Variants in BRAF observed in about 807,000 individuals in gnomAD.
BRAF encodes B-Raf proto-oncogene, serine/threonine kinase.
Under a neutral mutation model 104.6 loss-of-function variants are expected in BRAF, and 16 were observed. The observed-to-expected ratio is 0.15, with a 90% CI of 0.10 to 0.23. The LOEUF is 0.23. BRAF is among the 10% of genes least tolerant of loss of function. The pLI, the probability that BRAF is intolerant of heterozygous loss-of-function variation, is 1.00. For synonymous variants in BRAF, 310 were observed against 341.6 expected, an observed-to-expected ratio of 0.91 and a Z score of 1.02; for missense variants, 541 against 937.3, an observed-to-expected ratio of 0.58 and a Z score of 5.52.
intron 14 of BRAF, among the ~76,000 whole-genome samples, chr7:140,764,147 G>A (rs111608025): frequency 2.0e-5 from 3 of 151,906 alleles, no homozygotes; most frequent in African/African-American, 4.8e-5. Context: ...TTCAACATAC[G>A]CAAATCAATA....
intron 1 of BRAF, among the ~76,000 whole-genome samples, chr7:140,881,195 A>G (rs1283415598): frequency 6.6e-6 from 1 of 151,984 alleles, no homozygotes; most frequent in Non-Finnish European, 1.5e-5. Context: ...GCACAGACAG[A>G]GTAAATTTTG....
intron 1 of BRAF, among the ~76,000 whole-genome samples, chr7:140,881,906 A>AC (rs1812963867): frequency 6.6e-6 from 1 of 152,138 alleles, no homozygotes; most frequent in South Asian, 2.1e-4. Context: ...GGTTTGTGGC[A>AC]CCCCAAAACA....
At chr7:140,785,519 G>A (rs187768225) in intron 10 of BRAF, among the ~76,000 whole-genome samples, 3 of 152,326 alleles carry the variant, frequency 2.0e-5, no homozygotes, top group Admixed American at 2.0e-4. Flanking sequence ...TTGTGGCAGT[G>A]AGTACGTGTG....
chr7:140,915,362 A>C (rs1817501551), intron 1 of BRAF, among the ~76,000 whole-genome samples: 1 of 152,138 alleles, frequency 6.6e-6, no homozygotes, highest in South Asian at 2.1e-4. Context: ...ATTAACTTAA[A>C]GGTTACATAT....
intron 5 of BRAF, among the ~76,000 whole-genome samples, chr7:140,806,333 T>C (rs1056864980): frequency 3.9e-5 from 6 of 152,200 alleles, no homozygotes; most frequent in Non-Finnish European, 7.3e-5. Flanking sequence ...TTATGAAAAT[T>C]TATTAAATCT....
chr7:140,757,352 C>A (rs571447989), intron 14 of BRAF, among the ~76,000 whole-genome samples: 4 of 151,782 alleles, frequency 2.6e-5, no homozygotes, highest in East Asian at 1.9e-4. Flanking sequence ...TGCGGTGGTG[C>A]GATATCGGCT....
chr7:140,794,257 T>C (rs754519270), intron 8 of BRAF, 51 bp downstream of exon 8: 2 of 1,594,950 alleles, frequency 1.3e-6, no homozygotes, highest in Admixed American at 3.3e-5. Flanking sequence ...AGCAGAAAAA[T>C]AAAGATACAT....
intron 1 of BRAF, among the ~76,000 whole-genome samples, chr7:140,922,523 A>C (rs141860534): frequency 1.4e-3 from 216 of 152,360 alleles, no homozygotes; most frequent in African/African-American, 5.0e-3. Context: ...ACAATTTTAT[A>C]ATCAGAGAAT....
At chr7:140,908,210 A>G (rs1404870450) in intron 1 of BRAF, among the ~76,000 whole-genome samples, 1 of 152,190 alleles carries the variant, frequency 6.6e-6, no homozygotes, top group Non-Finnish European at 1.5e-5. Flanking sequence ...ATGCTTGGTT[A>G]TTATTTTTCC....
rs533479431 is a variant in BRAF, at chr7:140,800,967, T to A, written c.860+445A>T. 2.7e-4 allele frequency: 55 copies of A among 206,540 alleles called. 1 individual carries two copies. Among genetic ancestry groups the A allele is most frequent in the African/African-American group, 1.2e-3 (50 of 42,010 alleles). The allele number at this position is 206,540 out of a possible 1,614,324, so 12.8% of individuals were successfully genotyped here. A position where few individuals can be genotyped will look rare whatever the true frequency, so the allele number is the denominator to read the frequency against. Reference sequence around the variant, plus strand: ...AGAGATATATACTGGATACAAAAATTTTACATCTTACTCAAATAAATTGGG... The same window carrying A: ...AGAGATATATACTGGATACAAAAATATTACATCTTACTCAAATAAATTGGG... On this transcript the variant is annotated intron_variant, in intron 6 of 19. Transcript: ENST00000644969.
At chr7:140,776,650 T>TGCTTA (rs1204817526) in intron 14 of BRAF, among the ~76,000 whole-genome samples, 1 of 152,222 alleles carries the variant, frequency 6.6e-6, no homozygotes, top group African/African-American at 2.4e-5. Context: ...GAACCTCTCT[T>TGCTTA]GCTTAGCTCA....
chr7:140,867,502 C>T (rs376287810), intron 1 of BRAF, among the ~76,000 whole-genome samples: 4 of 150,864 alleles, frequency 2.7e-5, no homozygotes, highest in African/African-American at 9.8e-5. Flanking sequence ...ATAGAGCATA[C>T]ATTCTAGTTA....
intron 18 of BRAF, among the ~76,000 whole-genome samples, chr7:140,738,662 G>A (rs1796645967): frequency 6.6e-6 from 1 of 152,068 alleles, no homozygotes; most frequent in African/African-American, 2.4e-5. Flanking sequence ...TGTTGCCCTG[G>A]CTGGAATGCA....
At chr7:140,848,689 A>G (rs765228046) in intron 2 of BRAF, among the ~76,000 whole-genome samples, 2 of 152,256 alleles carry the variant, frequency 1.3e-5, no homozygotes, top group African/African-American at 2.4e-5. Context: ...CATTAGCAGT[A>G]CTTGCTTCCT....
At chr7:140,895,788 T>C (rs1814816749) in intron 1 of BRAF, among the ~76,000 whole-genome samples, 1 of 152,220 alleles carries the variant, frequency 6.6e-6, no homozygotes, top group South Asian at 2.1e-4. Context: ...TAGCATTCCA[T>C]CGGATGCTAT....
At chr7:140,787,625 T>C (rs1801525076) in intron 8 of BRAF, 41 bp from the exon 9 acceptor site, 18 of 1,560,814 alleles carry the variant, frequency 1.2e-5, no homozygotes, top group Non-Finnish European at 1.5e-5. Context: ...CAAGCAAGCA[T>C]ATAATCAGAG....
rs1799318796 is a variant in BRAF at position 140,766,356 on chromosome 7, G to A, written c.1814+10556C>T. 2.6e-5 allele frequency among the ~76,000 whole-genome samples: 4 copies of A among 151,998 alleles called. No homozygotes were observed. In the South Asian group the frequency reaches 8.3e-4, roughly 32 times the overall value. On this transcript the variant is annotated intron_variant, in intron 14 of 19. Coordinates refer to ENST00000644969, the MANE Select transcript of BRAF (RefSeq NM_001374258.1). ...CTAATGCTAAATGACGAGTTAATGG[G>A]TGCAGCACACAAGCATGGCACATGT...
intron 17 of BRAF, among the ~76,000 whole-genome samples, chr7:140,746,759 G>A (rs1037877386): frequency 2.6e-5 from 4 of 151,560 alleles, no homozygotes; most frequent in African/African-American, 9.7e-5. Flanking sequence ...TAACATGGGA[G>A]GCAGAGGTTG....
chr7:140,831,098 G>T (rs117629512), intron 3 of BRAF, among the ~76,000 whole-genome samples: 2,307 of 152,280 alleles, frequency 0.015, 27 homozygotes, highest in Middle Eastern at 0.034. Flanking sequence ...CTATACCTGG[G>T]TAGATAGTGT....
Sources: gnomAD v4.1 joint callset for allele counts (sites outside exome capture counted in the v4.1 genomes callset) on GRCh38, gnomAD v4.1.1 for gene constraint, MANE v1.5 for transcripts, NCBI Gene and HGNC (gene_info 2026-07-23, HGNC 2026-07-21) for gene names.